Variants in KIF18A observed in about 807,000 individuals in gnomAD.
KIF18A encodes kinesin-like protein KIF18A.
In KIF18A, 67 loss-of-function variants were observed where a neutral mutation model predicts 103.3. The observed-to-expected ratio is 0.65, with a 90% CI of 0.53 to 0.79. The LOEUF (loss-of-function observed/expected upper bound fraction) is 0.79. Among genes scored for constraint, KIF18A ranks in the 30% least tolerant of loss-of-function variants. The probability of loss-of-function intolerance (pLI) is 0.00; values close to 1 mark genes in which losing one functional copy is unlikely to be tolerated. For synonymous variants in KIF18A, 367 were observed against 355.5 expected, an observed-to-expected ratio of 1.03 and a Z score of -0.36; for missense variants, 1,032 against 1,062.5, an observed-to-expected ratio of 0.97 and a Z score of 0.40.
At chr11:28,056,925 TA>T in intron 13 of KIF18A, 1 of 395,776 alleles carries the variant, frequency 2.5e-6, no homozygotes. Context: ...AGTGAGGGGC[TA>T]ATAAACACCA....
Position 28,036,622 on chromosome 11 carries a change from T to G in KIF18A, c.1991A>C (p.Glu664Ala). 6.2e-7 allele frequency: 1 copy of G among 1,609,978 alleles called. No individual in the cohort carries two copies. Among genetic ancestry groups the G allele is most frequent in the Non-Finnish European group, 8.5e-7 (1 of 1,177,600 alleles). ...CATTAGTTTTCTCCGAGTTCTTTTT[T>G]CTGTAGGAATCTTAACCAGATTAGT... ...GGTNLVKIPT[E>A]KRTRRKLMPS... The change falls in exon 14 of 17, where the codon GAA (glutamate) becomes GCA (alanine). Residue 664 changes from glutamate to alanine, a missense_variant. Physicochemically the swap from Glu to Ala is moderately radical, Grantham distance 107 (BLOSUM62 -1). Transcript: ENST00000263181.
intron 9 of KIF18A, among the ~76,000 whole-genome samples, chr11:28,077,987 C>T: frequency 6.6e-6 from 1 of 152,042 alleles, no homozygotes; most frequent in South Asian, 2.1e-4. Context: ...ACACTGGTCA[C>T]AGTAATATTT....
chr11:28,076,357 T>G (rs1851091062), intron 10 of KIF18A: 1 of 152,196 alleles, frequency 6.6e-6, no homozygotes, highest in African/African-American at 2.4e-5. Flanking sequence ...GCATCCAGGA[T>G]AGACTGCTTC....
intron 15 of KIF18A, among the ~76,000 whole-genome samples, chr11:28,027,241 T>C (rs1485327837): frequency 6.6e-6 from 1 of 151,896 alleles, no homozygotes; most frequent in African/African-American, 2.4e-5. Context: ...GTCAGATCCA[T>C]TTTATATTTA....
At chr11:28,091,633 C>T (rs1851306069) in intron 3 of KIF18A, 120 bp from the exon 4 acceptor site, 1 of 518,964 alleles carries the variant, frequency 1.9e-6, no homozygotes, top group East Asian at 3.3e-5. Context: ...CAGCACCTCA[C>T]TTTTATTCAC....
At chr11:28,107,231 A>C (rs1194498395) in intron 1 of KIF18A, among the ~76,000 whole-genome samples, 1 of 152,182 alleles carries the variant, frequency 6.6e-6, no homozygotes, top group Non-Finnish European at 1.5e-5. Flanking sequence ...AAATCTGTAG[A>C]GTGCCTAAAT....
At chr11:28,064,581 C>T (rs1391955333) in intron 11 of KIF18A, among the ~76,000 whole-genome samples, 2 of 151,942 alleles carry the variant, frequency 1.3e-5, no homozygotes, top group Non-Finnish European at 2.9e-5. Context: ...TGCTCATGTA[C>T]CCTAAAACTT....
At chr11:28,086,063 T>C (rs1228745215) in intron 6 of KIF18A, among the ~76,000 whole-genome samples, 1 of 152,184 alleles carries the variant, frequency 6.6e-6, no homozygotes, top group African/African-American at 2.4e-5. Context: ...ATGTACCATA[T>C]TAATATAAAA....
intron 13 of KIF18A, chr11:28,056,951 TC>T: frequency 5.2e-6 from 2 of 381,812 alleles, no homozygotes; most frequent in South Asian, 1.9e-5. Context: ...CCAAGAAAAT[TC>T]CCCATAATGG....
intron 2 of KIF18A, among the ~76,000 whole-genome samples, chr11:28,095,329 G>C (rs1851354763): frequency 6.6e-6 from 1 of 152,124 alleles, no homozygotes; most frequent in South Asian, 2.1e-4. Flanking sequence ...TCTTTGTTCT[G>C]AGGAGTCCCT....
chr11:28,082,772 TAAC>T lies in KIF18A; in HGVS notation c.1262+81_1262+83del, dbSNP rs536495189. ...CATATCTATGTACATATAAAAGACA[TAAC>T]AAATGATAATTAACATAAAATACTT... On this transcript the variant is annotated intron_variant, in intron 9 of 16. Coordinates refer to ENST00000263181, the MANE Select transcript of KIF18A (RefSeq NM_031217.4). The T allele has an allele frequency of 6.6e-3, 5,116 of 777,424 alleles. 28 individuals carry two copies. Among genetic ancestry groups the T allele is most frequent in the Non-Finnish European group, 9.4e-3 (4,546 of 484,492 alleles). 48.2% of individuals were successfully genotyped at this position (777,424 alleles called of 1,614,324 possible).
At chr11:28,055,798 C>G (rs1260628683) in intron 13 of KIF18A, among the ~76,000 whole-genome samples, 2 of 152,030 alleles carry the variant, frequency 1.3e-5, no homozygotes, top group Non-Finnish European at 2.9e-5. Flanking sequence ...GACTGGCACA[C>G]AAAAAATTTG....
intron 13 of KIF18A, among the ~76,000 whole-genome samples, 154 bp from the exon 14 acceptor site, chr11:28,036,818 G>A (rs548030337): frequency 2.6e-5 from 4 of 151,106 alleles, no homozygotes; most frequent in African/African-American, 7.3e-5. Context: ...AAAATATCAC[G>A]GTTTACTGCT....
intron 1 of KIF18A, among the ~76,000 whole-genome samples, chr11:28,101,655 C>G (rs1404583714): frequency 6.6e-6 from 1 of 152,116 alleles, no homozygotes; most frequent in African/African-American, 2.4e-5. Context: ...AGAGTATGAA[C>G]TACAAGTGTT....
intron 13 of KIF18A, among the ~76,000 whole-genome samples, chr11:28,046,704 G>GAAAAAAAAAAAAAA (rs1256467211): frequency 2.2e-5 from 1 of 44,936 alleles, no homozygotes; most frequent in African/African-American, 8.7e-5. Context: ...AATAATAAAA[G>GAAAAAAAAAAAAAA]AAAAAAAAAA....
At position 28,103,940 on chromosome 11, in the gene KIF18A, T is replaced by C. The variant is rs561501266; in HGVS notation, c.-47+4124A>G. On this transcript the variant is annotated intron_variant, in intron 1 of 16. Transcript: ENST00000263181. ...ATTAAGTGTGGTTAAAATACTTTATTACTTAGCAAAGCTAATATTCAATTT... is the reference window on the plus strand; with the variant it reads ...ATTAAGTGTGGTTAAAATACTTTATCACTTAGCAAAGCTAATATTCAATTT... 3.3e-5 allele frequency among the ~76,000 whole-genome samples: 5 copies of C among 152,342 alleles called. No individual in the cohort carries two copies. In the South Asian group the frequency reaches 1.0e-3, roughly 32 times the overall value.
chr11:28,090,234 C>T (rs1851283976), intron 5 of KIF18A, among the ~76,000 whole-genome samples: 1 of 152,034 alleles, frequency 6.6e-6, no homozygotes, highest in Non-Finnish European at 1.5e-5. Context: ...TTTACATGGT[C>T]CTTATGGTGA....
chr11:28,055,835 T>C (rs1379553009), intron 13 of KIF18A, among the ~76,000 whole-genome samples: 1 of 152,180 alleles, frequency 6.6e-6, no homozygotes, highest in Non-Finnish European at 1.5e-5. Flanking sequence ...TAAGACCACA[T>C]GCAAGAAAAT....
intron 2 of KIF18A, among the ~76,000 whole-genome samples, chr11:28,095,195 G>C (rs905107408): frequency 1.2e-4 from 18 of 152,120 alleles, no homozygotes; most frequent in Non-Finnish European, 2.6e-4. Context: ...TCCTCACTTT[G>C]GAATATTATA....
Sources: gnomAD v4.1 joint callset for allele counts (sites outside exome capture counted in the v4.1 genomes callset) on GRCh38, gnomAD v4.1.1 for gene constraint, MANE v1.5 for transcripts, NCBI Gene and HGNC (gene_info 2026-07-23, HGNC 2026-07-21) for gene names.